ADAMTS5: variants seen among roughly 807,000 people sequenced by gnomAD.
The protein encoded by ADAMTS5 is ADAM metallopeptidase with thrombospondin type 1 motif 5, also known as A disintegrin and metalloproteinase with thrombospondin motifs 5.
In ADAMTS5, 54 loss-of-function variants were observed where a neutral mutation model predicts 81.4. That is an observed-to-expected ratio of 0.66 (90% CI 0.53 to 0.83). The LOEUF (loss-of-function observed/expected upper bound fraction) is 0.83. Among genes scored for constraint, ADAMTS5 ranks in the 40% least tolerant of loss-of-function variants. The pLI is 0.00. For missense variants in ADAMTS5, 1,194 were observed against 1,229.9 expected, an observed-to-expected ratio of 0.97 and a Z score of 0.44; for synonymous variants, 532 against 508.8, an observed-to-expected ratio of 1.05 and a Z score of -0.61.
At position 26,921,489 on chromosome 21, in the gene ADAMTS5, A is replaced by T. The variant is rs1251147725; in HGVS notation, c.*2564T>A. 4 of 150,128 alleles carry T rather than the reference A, an allele frequency of 2.7e-5. No individual in the cohort carries two copies. Among genetic ancestry groups the T allele is most frequent in the African/African-American group, 9.8e-5 (4 of 40,856 alleles). 9.3% of individuals were successfully genotyped at this position (150,128 alleles called of 1,614,324 possible). ...TAAAGAAGTAGCCCCTAGCATCCTG[A>T]ATTCTAGACATTTTAAAAAATTCAA... is the stretch of plus-strand genomic sequence containing the variant. On this transcript the variant is annotated 3_prime_UTR_variant, in exon 8 of 8. Coordinates refer to ENST00000284987, the MANE Select transcript of ADAMTS5 (RefSeq NM_007038.5).
At chr21:26,927,316 C>T (rs923505942) in intron 7 of ADAMTS5, among the ~76,000 whole-genome samples, 1 of 152,122 alleles carries the variant, frequency 6.6e-6, no homozygotes, top group Non-Finnish European at 1.5e-5. Flanking sequence ...TTGATAAGAG[C>T]TGTGAAGAAA....
At chr21:26,940,447 C>A (rs1987092588) in intron 3 of ADAMTS5, among the ~76,000 whole-genome samples, 1 of 152,086 alleles carries the variant, frequency 6.6e-6, no homozygotes. Context: ...GGGCTTTTGA[C>A]CTTTAGAAAA....
intron 7 of ADAMTS5, among the ~76,000 whole-genome samples, chr21:26,926,865 T>C (rs868380437): frequency 1.3e-5 from 2 of 152,086 alleles, no homozygotes; most frequent in Admixed American, 1.3e-4. Flanking sequence ...AAGGGAAGCT[T>C]TTTTGGGTGT....
chr21:26,951,089 A>G (rs962775365), intron 2 of ADAMTS5, among the ~76,000 whole-genome samples: 5 of 152,198 alleles, frequency 3.3e-5, no homozygotes, highest in African/African-American at 4.8e-5. Context: ...ATGAACTAAA[A>G]AGAAAATTTT....
At chr21:26,950,600 A>T (rs1987298561) in intron 2 of ADAMTS5, among the ~76,000 whole-genome samples, 1 of 152,258 alleles carries the variant, frequency 6.6e-6, no homozygotes, top group Non-Finnish European at 1.5e-5. Flanking sequence ...ATCAATGTCA[A>T]TCAATATCCA....
intron 1 of ADAMTS5, among the ~76,000 whole-genome samples, chr21:26,961,717 T>C (rs1987532590): frequency 6.6e-6 from 1 of 152,240 alleles, no homozygotes; most frequent in African/African-American, 2.4e-5. Flanking sequence ...CTGAGTTATT[T>C]ATCCTTTTAT....
Position 26,943,558 on chromosome 21 carries a change from C to T in ADAMTS5, c.1238-11G>A, listed in dbSNP as rs1987156389. On this transcript the variant is annotated splice_polypyrimidine_tract_variant and intron_variant, in intron 2 of 7. Coordinates refer to ENST00000284987, the MANE Select transcript of ADAMTS5 (RefSeq NM_007038.5). ...GGCCAAGTAAATGTCCTAAGGGAGA[C>T]AACAGAGGAAGTACAAATAATCCGT... 1 of 1,606,236 alleles carries T rather than the reference C, an allele frequency of 6.2e-7. No individual in the cohort carries two copies. The highest frequency in any genetic ancestry group is 1.3e-5 in the African/African-American group (1 of 74,470).
At chr21:26,955,281 C>T (rs1278232966) in intron 1 of ADAMTS5, among the ~76,000 whole-genome samples, 2 of 152,180 alleles carry the variant, frequency 1.3e-5, no homozygotes, top group Non-Finnish European at 2.9e-5. Context: ...CAGGGGCAAA[C>T]TGCAGCCAGA....
Position 26,932,078 on chromosome 21 carries a change from C to T in ADAMTS5, c.1975G>A (p.Val659Ile). The T allele has an allele frequency of 6.2e-7, 1 of 1,614,230 alleles. No homozygotes were observed. ...AGCTTGCACACATCCGCTGGCAGGA[C>T]ACCTGCATATTTGGGAACCCATTCC... ...FVEWVPKYAGVLPADVCKLTC... is the reference protein window; with the variant it reads ...FVEWVPKYAGILPADVCKLTC... The change falls in exon 6 of 8, where the codon GTC becomes ATC. Residue 659 changes from valine (V) to isoleucine (I), a missense_variant. Around this residue, in one of 2 missense-constraint regions of ADAMTS5, gnomAD observed 696 missense variants for 817.6 expected, o/e 0.85. Coordinates refer to ENST00000284987, the MANE Select transcript of ADAMTS5 (RefSeq NM_007038.5).
At chr21:26,958,867 GGTGT>G (rs1456758015) in intron 1 of ADAMTS5, among the ~76,000 whole-genome samples, 1 of 152,216 alleles carries the variant, frequency 6.6e-6, no homozygotes, top group African/African-American at 2.4e-5. Flanking sequence ...AATCCATAAA[GGTGT>G]CTCCACGGAA....
intron 7 of ADAMTS5, among the ~76,000 whole-genome samples, chr21:26,926,370 T>C (rs567027967): frequency 2.7e-4 from 41 of 152,228 alleles, no homozygotes; most frequent in Non-Finnish European, 4.4e-4. Flanking sequence ...AGTGGCAGTG[T>C]TAGGCTTAAA....
chr21:26,966,405 C>G lies in ADAMTS5; in HGVS notation c.-14G>C. ...CCCGAGCAGCATAGTGCGCTGCCCGCGGGGAGGGGCTGCGCGACTGGGACT... is the reference window on the plus strand; with the variant it reads ...CCCGAGCAGCATAGTGCGCTGCCCGGGGGGAGGGGCTGCGCGACTGGGACT... On this transcript the variant is annotated 5_prime_UTR_variant, in exon 1 of 8. Coordinates refer to ENST00000284987, the MANE Select transcript of ADAMTS5 (RefSeq NM_007038.5). The G allele has an allele frequency of 7.0e-7, 1 of 1,422,412 alleles. No individual in the cohort carries two copies. Among genetic ancestry groups the G allele is most frequent in the Non-Finnish European group, 9.1e-7 (1 of 1,101,088 alleles). 88.1% of individuals were successfully genotyped at this position (1,422,412 alleles called of 1,614,324 possible). A position where few individuals can be genotyped will look rare whatever the true frequency, so the allele number is the denominator to read the frequency against.
In ADAMTS5 at chr21:26,921,193, C is replaced by A. The variant is rs1304801844; in HGVS notation, c.*2860G>T. The A allele has an allele frequency of 6.6e-6, 1 of 151,976 alleles. No homozygotes were observed. Among genetic ancestry groups the A allele is most frequent in the Admixed American group, 6.6e-5 (1 of 15,222 alleles). The allele number at this position is 151,976 out of a possible 1,614,324, so 9.4% of individuals were successfully genotyped here. A position where few individuals can be genotyped will look rare whatever the true frequency, so the allele number is the denominator to read the frequency against. ...ACTTTTTTTTTGTTTGTGATTTATC[C>A]CCTAATTCCTAGTTTAGTGGGATAA... is the stretch of plus-strand genomic sequence containing the variant. On this transcript the variant is annotated 3_prime_UTR_variant, in exon 8 of 8. Coordinates refer to ENST00000284987, the MANE Select transcript of ADAMTS5 (RefSeq NM_007038.5).
At chr21:26,945,723 A>G (rs537079496) in intron 2 of ADAMTS5, among the ~76,000 whole-genome samples, 34 of 152,162 alleles carry the variant, frequency 2.2e-4, no homozygotes, top group Non-Finnish European at 4.4e-4. Context: ...ATCATTTATG[A>G]ATCTTTTGGA....
chr21:26,957,658 T>G (rs897470166), intron 1 of ADAMTS5, among the ~76,000 whole-genome samples: 1 of 152,208 alleles, frequency 6.6e-6, no homozygotes, highest in African/African-American at 2.4e-5. Flanking sequence ...GATCAATATC[T>G]TATCACTACT....
At chr21:26,954,913 T>C (rs1601017144) in intron 1 of ADAMTS5, 42 bp from the exon 2 acceptor site, 1 of 1,606,542 alleles carries the variant, frequency 6.2e-7, no homozygotes. Flanking sequence ...TCAATTTACA[T>C]CCAGAAGGAG....
intron 2 of ADAMTS5, among the ~76,000 whole-genome samples, chr21:26,951,339 G>T (rs933624232): frequency 6.6e-6 from 1 of 152,056 alleles, no homozygotes; most frequent in African/African-American, 2.4e-5. Flanking sequence ...CACACTGTTT[G>T]CATAAAGGAA....
intron 1 of ADAMTS5, among the ~76,000 whole-genome samples, chr21:26,956,808 G>A (rs1321907488): frequency 1.3e-5 from 2 of 152,096 alleles, no homozygotes; most frequent in Non-Finnish European, 2.9e-5. Flanking sequence ...TCCTCTTCTC[G>A]ATAGAGATTA....
Position 26,965,912 on chromosome 21 carries a change from G to C in ADAMTS5, c.480C>G (p.His160Gln). ...GGLDGFFAVK[H>Q]ARYTLKPLLR... ...GCAGTGGCTTTAGGGTGTAGCGCGC[G>C]TGCTTGACCGCGAAGAAGCCGTCGA... Residue 160 changes from histidine to glutamine, a missense_variant, in exon 1 of 8, where the codon CAC becomes CAG. His to Gln is a conservative substitution (Grantham distance 24). Coordinates refer to ENST00000284987, the MANE Select transcript of ADAMTS5 (RefSeq NM_007038.5). 1 of 1,613,872 alleles carries C rather than the reference G, an allele frequency of 6.2e-7. No homozygotes were observed. Among genetic ancestry groups the C allele is most frequent in the South Asian group, 1.1e-5 (1 of 91,078 alleles).
Sources: allele counts gnomAD v4.1 joint callset (sites outside exome capture counted in the v4.1 genomes callset), GRCh38; gene constraint gnomAD v4.1.1; regional missense constraint gnomAD v4.1.1; transcripts MANE v1.5; gene names NCBI Gene and HGNC (gene_info 2026-07-23, HGNC 2026-07-21).